The following CNTN5 variants were observed in gnomAD, a reference collection of about 807,000 sequenced individuals.
The protein encoded by CNTN5 is contactin 5, also known as contactin-5.
In CNTN5, 77 loss-of-function variants were observed where a neutral mutation model predicts 129.1. The observed-to-expected ratio is 0.60, with a 90% confidence interval of 0.50 to 0.72. The LOEUF is 0.72. Ranked by LOEUF, CNTN5 falls within the 30% of genes least tolerant of loss-of-function variation. CNTN5 has a pLI of 0.00. For missense variants in CNTN5, 1,478 were observed against 1,328.8 expected (o/e 1.11, Z -1.75); for synonymous variants, 509 against 465.6 (o/e 1.09, Z -1.20).
intron 1 of CNTN5, among the ~76,000 whole-genome samples, chr11:99,189,852 A>G (rs1858543468): frequency 1.3e-5 from 2 of 151,600 alleles, no homozygotes; most frequent in South Asian, 4.1e-4. Flanking sequence ...CTCATTTTAT[A>G]GGTTGTCCCT....
intron 3 of CNTN5, among the ~76,000 whole-genome samples, chr11:99,625,190 G>T (rs946573584): frequency 2.6e-5 from 4 of 152,150 alleles, no homozygotes; most frequent in African/African-American, 7.2e-5. Flanking sequence ...ATTTCACAGT[G>T]ATCTATTGTT....
chr11:99,659,601 A>G (rs1361690516), intron 3 of CNTN5, among the ~76,000 whole-genome samples: 1 of 152,172 alleles, frequency 6.6e-6, no homozygotes, highest in Admixed American at 6.6e-5. Context: ...CTGGCAGGCT[A>G]GAGACCTAGG....
At chr11:100,226,536 TA>T (rs896077040) in intron 16 of CNTN5, among the ~76,000 whole-genome samples, 1 of 152,318 alleles carries the variant, frequency 6.6e-6, no homozygotes, top group Admixed American at 6.5e-5. Flanking sequence ...ATAAAATGCA[TA>T]AATTTTCGGA....
intron 1 of CNTN5, among the ~76,000 whole-genome samples, chr11:99,141,003 G>C (rs1030646367): frequency 1.3e-5 from 2 of 151,980 alleles, no homozygotes; most frequent in Admixed American, 1.3e-4. Flanking sequence ...AATGATGCTG[G>C]CCTCATAGAA....
rs745353008 is a variant in CNTN5, at chr11:100,069,319, A to AT, written c.1163-1092dup. Among the ~76,000 whole-genome samples, 1,448 of 146,156 alleles carry AT rather than the reference A, an allele frequency of 9.9e-3. 23 individuals carry two copies. Among genetic ancestry groups the AT allele is most frequent in the African/African-American group, 0.031 (1,240 of 40,120 alleles). Reference sequence around the variant, plus strand: ...AGGCATGTGCCACCACACCTGAATAATTTTTTTTTTTTTATTTTTAGTAGA... The same window carrying AT: ...AGGCATGTGCCACCACACCTGAATAATTTTTTTTTTTTTTATTTTTAGTAGA... On this transcript the variant is annotated intron_variant, in intron 10 of 24. Coordinates refer to ENST00000524871, the MANE Select transcript of CNTN5 (RefSeq NM_014361.4).
chr11:99,959,702 A>G (rs1164093026), intron 8 of CNTN5, among the ~76,000 whole-genome samples: 1 of 152,226 alleles, frequency 6.6e-6, no homozygotes, highest in African/African-American at 2.4e-5. Flanking sequence ...TTTGAGAAGT[A>G]CTATATAAAA....
chr11:99,228,664 C>T (rs969909578), intron 1 of CNTN5, among the ~76,000 whole-genome samples: 1 of 151,910 alleles, frequency 6.6e-6, no homozygotes, highest in Admixed American at 6.6e-5. Flanking sequence ...ACAGTCTTTA[C>T]TAATTTTAAA....
intron 2 of CNTN5, among the ~76,000 whole-genome samples, chr11:99,377,954 A>G (rs1270284299): frequency 6.6e-6 from 1 of 152,156 alleles, no homozygotes; most frequent in Non-Finnish European, 1.5e-5. Context: ...TCTATGAGAA[A>G]GGAAACCTTG....
intron 8 of CNTN5, among the ~76,000 whole-genome samples, chr11:99,975,016 G>T (rs1937850529): frequency 6.6e-6 from 1 of 152,146 alleles, no homozygotes; most frequent in South Asian, 2.1e-4. Flanking sequence ...TTTACAGATG[G>T]GCAACTTGCA....
intron 2 of CNTN5, among the ~76,000 whole-genome samples, chr11:99,406,451 A>G (rs1942071703): frequency 6.6e-6 from 1 of 152,046 alleles, no homozygotes; most frequent in Admixed American, 6.6e-5. Context: ...GGGTTGAGTG[A>G]CACAAGCTCC....
intron 2 of CNTN5, among the ~76,000 whole-genome samples, chr11:99,501,634 A>ATAAT (rs1946431216): frequency 6.6e-6 from 1 of 152,218 alleles, no homozygotes; most frequent in Admixed American, 6.5e-5. Context: ...CACAGGTAAA[A>ATAAT]GATATTTTTG....
intron 2 of CNTN5, among the ~76,000 whole-genome samples, chr11:99,381,520 A>G (rs1157148189): frequency 6.6e-6 from 1 of 152,202 alleles, no homozygotes; most frequent in Non-Finnish European, 1.5e-5. Flanking sequence ...AAGAAAAATG[A>G]ACTCCATCTT....
chr11:99,950,297 T>C (rs1950642067), intron 7 of CNTN5, among the ~76,000 whole-genome samples: 2 of 151,942 alleles, frequency 1.3e-5, no homozygotes. Context: ...GCTAACACAG[T>C]GAAACCCCAT....
intron 13 of CNTN5, among the ~76,000 whole-genome samples, chr11:100,116,544 T>C (rs1039474035): frequency 1.3e-5 from 2 of 151,862 alleles, no homozygotes; most frequent in African/African-American, 2.4e-5. Flanking sequence ...CTTGGTTACC[T>C]AAAAAGAGAA....
intron 6 of CNTN5, among the ~76,000 whole-genome samples, chr11:99,907,454 A>G (rs1949539236): frequency 6.6e-6 from 1 of 151,940 alleles, no homozygotes; most frequent in African/African-American, 2.4e-5. Flanking sequence ...AAGGAACAAA[A>G]CTATGTTGTC....
At chr11:99,620,824 TA>T (rs749536976) in intron 3 of CNTN5, among the ~76,000 whole-genome samples, 1 of 151,978 alleles carries the variant, frequency 6.6e-6, no homozygotes, top group Non-Finnish European at 1.5e-5. Flanking sequence ...TATCAAGATA[TA>T]AAACTGTGAA....
At chr11:100,248,033 T>C (rs1949884356) in intron 16 of CNTN5, among the ~76,000 whole-genome samples, 1 of 152,176 alleles carries the variant, frequency 6.6e-6, no homozygotes, top group African/African-American at 2.4e-5. Context: ...CCATGATTGA[T>C]TGCCATGCCT....
intron 9 of CNTN5, among the ~76,000 whole-genome samples, chr11:100,052,619 A>G (rs1227689746): frequency 1.3e-5 from 2 of 151,884 alleles, no homozygotes; most frequent in Non-Finnish European, 2.9e-5. Flanking sequence ...TAGTGTTCAG[A>G]AGTCAATTCT....
At chr11:99,704,954 T>C (rs1191006608) in intron 3 of CNTN5, among the ~76,000 whole-genome samples, 2 of 151,290 alleles carry the variant, frequency 1.3e-5, no homozygotes, top group Admixed American at 6.6e-5. Flanking sequence ...CCAATAATTA[T>C]TTCCAAATAA....
Sources: allele counts gnomAD v4.1 joint callset (sites outside exome capture counted in the v4.1 genomes callset), GRCh38; gene constraint gnomAD v4.1.1; transcripts MANE v1.5; gene names NCBI Gene and HGNC (gene_info 2026-07-23, HGNC 2026-07-21).